MYOCD: variants seen among roughly 807,000 people sequenced by gnomAD.
MYOCD encodes the protein myocardin.
A neutral mutation model predicts 96.1 loss-of-function variants in MYOCD; 32 were observed. The ratio of observed to expected loss-of-function variants is 0.33; its 90% CI spans 0.25 to 0.45. The LOEUF (loss-of-function observed/expected upper bound fraction) is 0.45. MYOCD is among the 20% of genes least tolerant of loss of function. The pLI is 1.00. For synonymous variants in MYOCD, 469 were observed against 469.0 expected, an observed-to-expected ratio of 1.00 and a Z score of 0.00; for missense variants, 1,133 against 1,200.6, an observed-to-expected ratio of 0.94 and a Z score of 0.83.
At chr17:12,685,759 A>G (rs2030085483) in intron 1 of MYOCD, among the ~76,000 whole-genome samples, 1 of 152,210 alleles carries the variant, frequency 6.6e-6, no homozygotes, top group South Asian at 2.1e-4. Context: ...CTAACACTTT[A>G]GTTAACTCAA....
chr17:12,759,754 C>A (rs1490340546), intron 12 of MYOCD, among the ~76,000 whole-genome samples: 1 of 152,178 alleles, frequency 6.6e-6, no homozygotes, highest in Non-Finnish European at 1.5e-5. Flanking sequence ...GAGGAACCAT[C>A]AAAATATGAG....
At chr17:12,668,501 C>T (rs1034179053) in intron 1 of MYOCD, among the ~76,000 whole-genome samples, 1 of 152,134 alleles carries the variant, frequency 6.6e-6, no homozygotes, top group Non-Finnish European at 1.5e-5. Flanking sequence ...CAACCATGGC[C>T]GACCAACTTT....
intron 1 of MYOCD, among the ~76,000 whole-genome samples, chr17:12,697,032 G>A (rs1184373391): frequency 6.6e-6 from 1 of 151,972 alleles, no homozygotes; most frequent in African/African-American, 2.4e-5. Context: ...GCTACCACTC[G>A]AAGACCTGCA....
intron 1 of MYOCD, among the ~76,000 whole-genome samples, chr17:12,680,337 A>G (rs112728957): frequency 0.016 from 2,469 of 152,328 alleles, 76 homozygotes; most frequent in African/African-American, 0.055. Context: ...CCTAGAGGTG[A>G]GTATAATGAC....
At chr17:12,758,048 T>A in intron 11 of MYOCD, 37 bp from the exon 12 acceptor site, 2 of 1,451,444 alleles carry the variant, frequency 1.4e-6, no homozygotes, top group Non-Finnish European at 1.9e-6. Flanking sequence ...TTCAGATCCA[T>A]GAATTCAATG....
intron 3 of MYOCD, 113 bp from the exon 4 acceptor site, chr17:12,717,233 C>T (rs1277372509): frequency 3.9e-6 from 3 of 760,720 alleles, no homozygotes; most frequent in African/African-American, 1.8e-5. Context: ...TGTGGGACAC[C>T]AAGAATATTT....
chr17:12,751,365 AC>A (rs2032848617), intron 9 of MYOCD, among the ~76,000 whole-genome samples: 1 of 152,064 alleles, frequency 6.6e-6, no homozygotes, highest in Non-Finnish European at 1.5e-5. Context: ...TTGTTACTAT[AC>A]CACAACAATT....
rs770836735 is a variant in MYOCD at position 12,763,608 on chromosome 17, G to T, written c.2925G>T (p.Leu975Phe). Reference protein sequence around the residue: ...IDFLDVTDLNLNSSMDLHLQQ... With the variant: ...IDFLDVTDLNFNSSMDLHLQQ... ...TCCTGGATGTCACTGATCTCAATTTGAATTCTTCCATGGACCTTCACTTGC... is the reference window on the plus strand; with the variant it reads ...TCCTGGATGTCACTGATCTCAATTTTAATTCTTCCATGGACCTTCACTTGC... Residue 975 changes from leucine to phenylalanine, a missense_variant, in exon 14 of 14, where the codon TTG becomes TTT. By Grantham distance (22) the Leu-to-Phe change is conservative. Coordinates refer to ENST00000425538, the MANE Select transcript of MYOCD (RefSeq NM_001146312.3). 1.2e-6 allele frequency: 2 copies of T among 1,613,734 alleles called. No individual in the cohort carries two copies. The highest frequency in any genetic ancestry group is 1.7e-6 in the Non-Finnish European group (2 of 1,179,820).
chr17:12,759,073 G>A (rs1247473360), intron 12 of MYOCD, among the ~76,000 whole-genome samples: 1 of 151,884 alleles, frequency 6.6e-6, no homozygotes, highest in Non-Finnish European at 1.5e-5. Context: ...AAGAAAAAGA[G>A]AAACAATTAA....
intron 1 of MYOCD, among the ~76,000 whole-genome samples, chr17:12,674,539 A>G (rs1310127262): frequency 6.6e-6 from 1 of 152,256 alleles, no homozygotes; most frequent in Non-Finnish European, 1.5e-5. Flanking sequence ...GCTCTAAGAC[A>G]TTAAACATAG....
intron 10 of MYOCD, among the ~76,000 whole-genome samples, chr17:12,755,376 C>T (rs564683201): frequency 7.2e-5 from 11 of 152,014 alleles, no homozygotes; most frequent in South Asian, 6.2e-4. Flanking sequence ...TTTGGGAGGC[C>T]GAGGTGGGCG....
At chr17:12,675,891 A>G (rs557833652) in intron 1 of MYOCD, among the ~76,000 whole-genome samples, 1 of 152,344 alleles carries the variant, frequency 6.6e-6, no homozygotes, top group African/African-American at 2.4e-5. Context: ...TCATATTTAT[A>G]TATAAGTACA....
rs112269250 is a variant in MYOCD, at chr17:12,737,654, C to G, written c.591+1318C>G. On this transcript the variant is annotated intron_variant, in intron 6 of 13. Transcript: ENST00000425538. ...CCCTCAGCCCCTTCCCTTTACCACT[C>G]CTGGCCTCACAGAAATTGTGCAATG... is the stretch of plus-strand genomic sequence containing the variant. Among the ~76,000 whole-genome samples the G allele has an allele frequency of 2.8e-3, 421 of 152,310 alleles. 2 individuals are homozygous for G. Among genetic ancestry groups the G allele is most frequent in the Non-Finnish European group, 4.2e-3 (286 of 68,040 alleles).
intron 9 of MYOCD, among the ~76,000 whole-genome samples, chr17:12,751,734 G>A (rs1285987193): frequency 1.3e-5 from 2 of 152,252 alleles, no homozygotes; most frequent in Middle Eastern, 3.4e-3. Context: ...AACAGACAGG[G>A]CCAGGAGTTG....
intron 2 of MYOCD, among the ~76,000 whole-genome samples, chr17:12,707,575 G>A (rs1398719297): frequency 6.6e-6 from 1 of 152,128 alleles, no homozygotes; most frequent in Non-Finnish European, 1.5e-5. Context: ...TTAGCCAGGT[G>A]TGGTGGCAGG....
intron 13 of MYOCD, chr17:12,761,133 T>A (rs957896156): frequency 6.2e-6 from 1 of 161,220 alleles, no homozygotes; most frequent in African/African-American, 2.4e-5. Flanking sequence ...GGTTCATTCA[T>A]GCTTAAATGT....
At chr17:12,744,109 A>T (rs1019683130) in intron 7 of MYOCD, 74 bp from the exon 8 acceptor site, 8 of 1,546,242 alleles carry the variant, frequency 5.2e-6, no homozygotes, top group Non-Finnish European at 5.2e-6. Flanking sequence ...AAACTGCCTC[A>T]CAACGTGTCC....
At chr17:12,698,874 T>C (rs1019840004) in intron 1 of MYOCD, among the ~76,000 whole-genome samples, 2 of 147,630 alleles carry the variant, frequency 1.4e-5, no homozygotes, top group African/African-American at 5.0e-5. Context: ...TCCCGAGTAG[T>C]TGGGACTACA....
Position 12,717,329 on chromosome 17 carries a change from T to A in MYOCD, c.178-17T>A, listed in dbSNP as rs745336949. 9.9e-6 allele frequency: 16 copies of A among 1,608,336 alleles called. No homozygotes were observed. The highest frequency in any genetic ancestry group is 2.2e-5 in the East Asian group (1 of 44,822). ...AAAAGGTAAAACTAGGTGATTTCTC[T>A]TGTTTGGGTTCTACAGGCTAAAAAT... is the stretch of plus-strand genomic sequence containing the variant. On this transcript the variant is annotated splice_polypyrimidine_tract_variant and intron_variant, in intron 3 of 13. Transcript: ENST00000425538.
Sources: allele counts gnomAD v4.1 joint callset (sites outside exome capture counted in the v4.1 genomes callset), GRCh38; gene constraint gnomAD v4.1.1; transcripts MANE v1.5; gene names NCBI Gene and HGNC (gene_info 2026-07-23, HGNC 2026-07-21).